The following CDC42BPA variants were observed in gnomAD, a reference collection of about 807,000 sequenced individuals.
CDC42BPA encodes CDC42 binding protein kinase alpha.
CDC42BPA carries 80 observed loss-of-function variants against 223.5 expected under a neutral mutation model. The ratio of observed to expected loss-of-function variants is 0.36; its 90% CI spans 0.30 to 0.43. CDC42BPA has a LOEUF of 0.43. Among genes scored for constraint, CDC42BPA ranks in the 20% least tolerant of loss-of-function variants. The pLI, the probability that CDC42BPA is intolerant of heterozygous loss-of-function variation, is 1.00. For synonymous variants in CDC42BPA, 694 were observed against 718.6 expected, an observed-to-expected ratio of 0.97 and a Z score of 0.55; for missense variants, 1,743 against 2,099.9, an observed-to-expected ratio of 0.83 and a Z score of 3.32.
At position 227,074,371 on chromosome 1, in the gene CDC42BPA, T is replaced by C. The variant is rs1558436443; in HGVS notation, c.2481-7A>G. ...ATCCTTTTCATCGCTGACCCTAGAA[T>C]ATATAAAGACAAAGTACAAAAGTAA... On this transcript the variant is annotated splice_region_variant and splice_polypyrimidine_tract_variant and intron_variant, in intron 17 of 36. Coordinates refer to ENST00000366766, the MANE Select transcript of CDC42BPA (RefSeq NM_001394014.1). 6.3e-7 allele frequency: 1 copy of C among 1,599,456 alleles called. No individual in the cohort carries two copies. The highest frequency in any genetic ancestry group is 8.5e-7 in the Non-Finnish European group (1 of 1,169,970).
intron 1 of CDC42BPA, among the ~76,000 whole-genome samples, chr1:227,273,034 T>A (rs1686220856): frequency 6.6e-6 from 1 of 152,250 alleles, no homozygotes; most frequent in African/African-American, 2.4e-5. Flanking sequence ...GGCTCACGCC[T>A]GTAATCCCAG....
chr1:227,313,553 T>C (rs916833747), intron 1 of CDC42BPA, among the ~76,000 whole-genome samples: 21 of 152,272 alleles, frequency 1.4e-4, no homozygotes, highest in Admixed American at 1.1e-3. Flanking sequence ...ACCCAACCAA[T>C]ATTGCTGATT....
chr1:227,060,686 ACAATAACTCTGG>A (rs1675699257), intron 21 of CDC42BPA, among the ~76,000 whole-genome samples: 1 of 151,688 alleles, frequency 6.6e-6, no homozygotes, highest in South Asian at 2.1e-4. Flanking sequence ...TATTAGTGTT[ACAATAACTCTGG>A]CAGGTAAGTA....
intron 3 of CDC42BPA, among the ~76,000 whole-genome samples, chr1:227,210,854 A>G (rs1673744458): frequency 6.6e-6 from 1 of 152,186 alleles, no homozygotes; most frequent in Non-Finnish European, 1.5e-5. Context: ...GTCCAAGGCC[A>G]TGTCCTTCAG....
chr1:227,184,368 G>C (rs1397535798), intron 5 of CDC42BPA, among the ~76,000 whole-genome samples: 2 of 150,306 alleles, frequency 1.3e-5, no homozygotes, highest in African/African-American at 4.9e-5. Flanking sequence ...GTATTTATGA[G>C]AGCTTTGGGG....
At position 227,028,711 on chromosome 1, in the gene CDC42BPA, C is replaced by A; in HGVS notation, c.4378G>T (p.Gly1460Cys). ...NSIGIYTDCQ[G>C]RRSRQQELMW... ...AATTCCTGTTGTCTAGATCTTCGGC[C>A]CTGGCAGTCAGTGTATATCCCAATG... The change falls in exon 30 of 37, where the codon GGC becomes TGC. Residue 1460 changes from glycine (G) to cysteine (C), a missense_variant. Physicochemically the swap from Gly to Cys is radical, Grantham distance 159 (BLOSUM62 -3). Transcript: ENST00000366766. The A allele has an allele frequency of 6.2e-7, 1 of 1,603,522 alleles. No individual in the cohort carries two copies. The highest frequency in any genetic ancestry group is 8.5e-7 in the Non-Finnish European group (1 of 1,172,580).
intron 1 of CDC42BPA, among the ~76,000 whole-genome samples, chr1:227,301,144 T>C (rs1256444676): frequency 6.6e-6 from 1 of 152,222 alleles, no homozygotes; most frequent in African/African-American, 2.4e-5. Flanking sequence ...ACTAAACTCC[T>C]AAGACAAAGA....
intron 22 of CDC42BPA, among the ~76,000 whole-genome samples, chr1:227,048,707 T>C (rs1329232036): frequency 2.0e-5 from 3 of 147,064 alleles, no homozygotes; most frequent in Non-Finnish European, 4.5e-5. Context: ...CCACTGGATG[T>C]TATTATGGGG....
At chr1:227,196,634 C>T (rs910139406) in intron 4 of CDC42BPA, among the ~76,000 whole-genome samples, 19 of 152,202 alleles carry the variant, frequency 1.2e-4, no homozygotes, top group Middle Eastern at 3.4e-3. Flanking sequence ...CCACCGTGCC[C>T]GGCCCTAAAC....
chr1:227,172,854 T>C (rs1353069231), intron 5 of CDC42BPA, among the ~76,000 whole-genome samples: 28 of 152,316 alleles, frequency 1.8e-4, no homozygotes, highest in Non-Finnish European at 1.5e-5. Flanking sequence ...ACACTAACTC[T>C]CTTTAACAAA....
intron 2 of CDC42BPA, among the ~76,000 whole-genome samples, chr1:227,238,316 C>T (rs1679438739): frequency 6.6e-6 from 1 of 151,422 alleles, no homozygotes. Context: ...TATGATGGCA[C>T]CACTACACTG....
intron 1 of CDC42BPA, among the ~76,000 whole-genome samples, chr1:227,313,518 G>A (rs1350762442): frequency 1.3e-5 from 2 of 151,916 alleles, no homozygotes; most frequent in African/African-American, 4.8e-5. Context: ...TAGAATATTA[G>A]GTGGCTAGTA....
intron 3 of CDC42BPA, among the ~76,000 whole-genome samples, chr1:227,200,379 C>G (rs574637003): frequency 6.8e-6 from 1 of 147,292 alleles, no homozygotes; most frequent in African/African-American, 2.5e-5. Flanking sequence ...TGCAGTGGGC[C>G]AAGATCGCAC....
At chr1:227,014,810 A>G (rs933794511) in intron 34 of CDC42BPA, among the ~76,000 whole-genome samples, 3 of 152,166 alleles carry the variant, frequency 2.0e-5, no homozygotes, top group African/African-American at 7.2e-5. Context: ...ACCAATCAAA[A>G]GGGTCATTTT....
chr1:227,088,818 T>G (rs942115946), intron 16 of CDC42BPA, among the ~76,000 whole-genome samples: 3 of 152,108 alleles, frequency 2.0e-5, no homozygotes, highest in Non-Finnish European at 4.4e-5. Flanking sequence ...CTCCACCTCC[T>G]GGGTTCAAGT....
intron 2 of CDC42BPA, among the ~76,000 whole-genome samples, chr1:227,226,595 A>G (rs1251858854): frequency 6.6e-6 from 1 of 152,230 alleles, no homozygotes; most frequent in East Asian, 1.9e-4. Flanking sequence ...GAAGCAGTAT[A>G]AAGAACCTCA....
chr1:227,059,323 GA>G (rs750599666), intron 21 of CDC42BPA: 8 of 1,478,100 alleles, frequency 5.4e-6, no homozygotes, highest in Non-Finnish European at 7.4e-6. Context: ...AAGGATGAGA[GA>G]GGGGTAAAAG....
At chr1:227,316,297 A>C (rs1238388628) in intron 1 of CDC42BPA, among the ~76,000 whole-genome samples, 1 of 152,170 alleles carries the variant, frequency 6.6e-6, no homozygotes, top group Non-Finnish European at 1.5e-5. Context: ...CTATTCCACT[A>C]CAGTAGGTCT....
intron 9 of CDC42BPA, 95 bp from the exon 10 acceptor site, chr1:227,139,837 A>G: frequency 1.6e-6 from 1 of 623,590 alleles, no homozygotes; most frequent in Non-Finnish European, 2.4e-6. Flanking sequence ...AACTGACTCC[A>G]CATTTATGGC....
Sources: allele counts gnomAD v4.1 joint callset (sites outside exome capture counted in the v4.1 genomes callset), GRCh38; gene constraint gnomAD v4.1.1; transcripts MANE v1.5; gene names NCBI Gene and HGNC (gene_info 2026-07-23, HGNC 2026-07-21).